Variants in SUN1 observed in about 807,000 individuals in gnomAD.
The protein encoded by SUN1 is SUN domain-containing protein 1.
A neutral mutation model predicts 103.2 loss-of-function variants in SUN1; 61 were observed. The observed-to-expected ratio is 0.59, with a 90% CI of 0.48 to 0.73. The LOEUF (loss-of-function observed/expected upper bound fraction) is 0.73, where lower values mean the gene tolerates loss of function less well. Among genes scored for constraint, SUN1 ranks in the 30% least tolerant of loss-of-function variants. SUN1 has a pLI of 0.00. For synonymous variants in SUN1, 490 were observed against 425.7 expected, an observed-to-expected ratio of 1.15 and a Z score of -1.86; for missense variants, 1,052 against 1,034.6, an observed-to-expected ratio of 1.02 and a Z score of -0.23.
At chr7:844,414 T>C (rs986369364) in intron 5 of SUN1, among the ~76,000 whole-genome samples, 6 of 152,344 alleles carry the variant, frequency 3.9e-5, no homozygotes, top group African/African-American at 1.4e-4. Flanking sequence ...GAGCCTGGCA[T>C]TGCCCGGGAC....
intron 17 of SUN1, among the ~76,000 whole-genome samples, chr7:870,689 A>G (rs568444881): frequency 2.0e-5 from 3 of 151,972 alleles, no homozygotes; most frequent in African/African-American, 7.2e-5. Context: ...CCCCGTGTTT[A>G]TCTGGCCGCT....
At chr7:846,035 G>GT (rs1310398110) in intron 5 of SUN1, among the ~76,000 whole-genome samples, 1 of 152,140 alleles carries the variant, frequency 6.6e-6, no homozygotes, top group Non-Finnish European at 1.5e-5. Flanking sequence ...TGTATGCACA[G>GT]TTTAGCATCT....
At chr7:839,934 G>C (rs1807580087) in intron 2 of SUN1, among the ~76,000 whole-genome samples, 1 of 152,202 alleles carries the variant, frequency 6.6e-6, no homozygotes, top group Non-Finnish European at 1.5e-5. Context: ...ACCTATATTT[G>C]CGTTCGTCGA....
In SUN1 at chr7:867,833, G is replaced by A. The variant is rs1200420547; in HGVS notation, c.1981-1516G>A. ...GAGGGTGTGGCCCAGCTCACTGAAC[G>A]TCAGGGAGGTTGCTGTGGTGCCACA... On this transcript the variant is annotated intron_variant, in intron 16 of 18. Coordinates refer to ENST00000401592, the MANE Select transcript of SUN1 (RefSeq NM_001130965.3). 3.3e-5 allele frequency among the ~76,000 whole-genome samples: 5 copies of A among 152,226 alleles called. No homozygotes were observed. The East Asian group carries it at 5.8e-4, about 18-fold the overall frequency.
intron 8 of SUN1, 41 bp downstream of exon 8, chr7:852,708 G>A: frequency 6.2e-7 from 1 of 1,613,924 alleles, no homozygotes; most frequent in Non-Finnish European, 8.5e-7. Flanking sequence ...TGGCTAAGCG[G>A]TACACACATA....
In SUN1 at chr7:860,253, G is replaced by A. The variant is rs1369265508; in HGVS notation, c.1650G>A (p.Met550Ile). Reference protein sequence around the residue: ...QFVSKGDLQTMLRDLQLQILR... With the variant: ...QFVSKGDLQTILRDLQLQILR... Reference sequence around the variant, plus strand: ...TGAGCAAAGGCGACTTGCAGACGATGCTGCGAGACCTGCAGCTGCAGATCC... The same window carrying A: ...TGAGCAAAGGCGACTTGCAGACGATACTGCGAGACCTGCAGCTGCAGATCC... The change falls in exon 14 of 19, where the codon ATG (methionine) becomes ATA (isoleucine). Residue 550 changes from methionine (M) to isoleucine (I), a missense_variant. Physicochemically the swap from Met to Ile is conservative, Grantham distance 10. Transcript: ENST00000401592. 6.2e-7 allele frequency: 1 copy of A among 1,614,272 alleles called. No homozygotes were observed. The highest frequency in any genetic ancestry group is 8.5e-7 in the Non-Finnish European group (1 of 1,180,048).
intron 3 of SUN1, 161 bp from the exon 4 acceptor site, chr7:843,045 T>C: frequency 2.0e-6 from 2 of 986,314 alleles, no homozygotes; most frequent in Non-Finnish European, 3.1e-6. Flanking sequence ...AGATGGTATC[T>C]GCATATATCT....
intron 1 of SUN1, among the ~76,000 whole-genome samples, chr7:827,168 C>T (rs536206889): frequency 6.6e-6 from 1 of 152,020 alleles, no homozygotes; most frequent in Non-Finnish European, 1.5e-5. Context: ...ACTACAGGCA[C>T]GTGCCACCAC....
At chr7:861,278 G>T (rs1445095690) in intron 14 of SUN1, 102 bp from the exon 15 acceptor site, 2 of 1,151,688 alleles carry the variant, frequency 1.7e-6, no homozygotes, top group African/African-American at 3.0e-5. Context: ...CCGTTGAGAA[G>T]ATGCTCTAAT....
rs551327704 is a variant in SUN1, at chr7:841,885, T to C, written c.267-61T>C. 2.6e-6 allele frequency: 4 copies of C among 1,552,234 alleles called. No individual in the cohort carries two copies. In the East Asian group the frequency reaches 9.1e-5, roughly 35 times the overall value. ...AGATTAAGAGTTTGTGTTGGTCAAA[T>C]GTAATCATTTTGTATTTGCTAGAAA... On this transcript the variant is annotated intron_variant, in intron 2 of 18. Coordinates refer to ENST00000401592, the MANE Select transcript of SUN1 (RefSeq NM_001130965.3).
Position 848,113 on chromosome 7 carries a change from C to T in SUN1, c.659-3271C>T, listed in dbSNP as rs985480658. Among the ~76,000 whole-genome samples the T allele has an allele frequency of 4.0e-5, 6 of 150,052 alleles. No individual in the cohort carries two copies. In the South Asian group the frequency reaches 6.4e-4, roughly 16 times the overall value. ...GGGGGTTACTCCGCAGTACCCTCTC[C>T]GGGATCCCCTGGGGGTTACTCCGCA... On this transcript the variant is annotated intron_variant, in intron 5 of 18. Coordinates refer to ENST00000401592, the MANE Select transcript of SUN1 (RefSeq NM_001130965.3).
chr7:842,222 G>C, intron 3 of SUN1, 92 bp downstream of exon 3: 1 of 1,375,196 alleles, frequency 7.3e-7, no homozygotes, highest in Non-Finnish European at 9.9e-7. Flanking sequence ...CCAGGTTGTC[G>C]GTTTGCATGG....
chr7:868,953 G>T (rs1340203357), intron 16 of SUN1: 1 of 245,508 alleles, frequency 4.1e-6, no homozygotes, highest in Non-Finnish European at 7.8e-6. Context: ...TCGGATGGGG[G>T]GACAGTGCTG....
intron 15 of SUN1, among the ~76,000 whole-genome samples, chr7:862,947 C>A (rs548148937): frequency 6.6e-6 from 1 of 152,122 alleles, no homozygotes; most frequent in African/African-American, 2.4e-5. Flanking sequence ...GTCAGGAGAT[C>A]CTGGCTGACA....
At chr7:820,985 A>G (rs1424392335) in intron 1 of SUN1, among the ~76,000 whole-genome samples, 1 of 151,996 alleles carries the variant, frequency 6.6e-6, no homozygotes, top group African/African-American at 2.4e-5. Flanking sequence ...CTTATGACTC[A>G]ACTTCTTCTG....
At chr7:817,564 G>C in intron 1 of SUN1, 13 of 1,522,530 alleles carry the variant, frequency 8.5e-6, no homozygotes, top group Non-Finnish European at 1.1e-5. Context: ...GTCTGGCTCT[G>C]ATTCCGGGTG....
At chr7:846,270 G>T (rs1416096608) in intron 5 of SUN1, among the ~76,000 whole-genome samples, 5 of 151,584 alleles carry the variant, frequency 3.3e-5, no homozygotes, top group African/African-American at 1.2e-4. Flanking sequence ...TACCATGCCC[G>T]GCTAATTTTT....
At chr7:856,458 G>A (rs1827399807) in intron 12 of SUN1, 57 bp downstream of exon 12, 1 of 1,601,408 alleles carries the variant, frequency 6.2e-7, no homozygotes. Context: ...GTGGTTATGT[G>A]GAGCGGCAGC....
At chr7:843,177 T>C (rs757705171) in intron 3 of SUN1, 29 bp from the exon 4 acceptor site, 6 of 1,547,984 alleles carry the variant, frequency 3.9e-6, no homozygotes, top group Non-Finnish European at 4.4e-6. Flanking sequence ...ACAGCAAAAA[T>C]GTGTGTGTGT....
Sources: gnomAD v4.1 joint callset for allele counts (sites outside exome capture counted in the v4.1 genomes callset) on GRCh38, gnomAD v4.1.1 for gene constraint, MANE v1.5 for transcripts, NCBI Gene and HGNC (gene_info 2026-07-23, HGNC 2026-07-21) for gene names.